Variants in PARD3B observed in about 807,000 individuals in gnomAD.
The protein encoded by PARD3B is par-3 family cell polarity regulator beta, also known as partitioning defective 3 homolog B.
Under a neutral mutation model 130.2 loss-of-function variants are expected in PARD3B, and 103 were observed. That is an observed-to-expected ratio of 0.79 (90% CI 0.67 to 0.93). PARD3B has a LOEUF of 0.93. Ranked by LOEUF, PARD3B falls within the 40% of genes least tolerant of loss-of-function variation. The probability of loss-of-function intolerance (pLI) is 0.00; values close to 1 mark genes in which losing one functional copy is unlikely to be tolerated. For synonymous variants in PARD3B, 583 were observed against 553.2 expected (o/e 1.05, Z -0.76); for missense variants, 1,609 against 1,499.2 (o/e 1.07, Z -1.21).
chr2:205,252,159 A>G (rs1430658759), intron 16 of PARD3B, among the ~76,000 whole-genome samples: 2 of 152,198 alleles, frequency 1.3e-5, no homozygotes, highest in African/African-American at 4.8e-5. Flanking sequence ...TTTACTCCTC[A>G]AATATGGAGC....
intron 20 of PARD3B, among the ~76,000 whole-genome samples, chr2:205,494,084 A>G (rs190578425): frequency 1.3e-5 from 2 of 152,076 alleles, no homozygotes; most frequent in African/African-American, 4.8e-5. Context: ...TCTTAACTGC[A>G]TCATCAAATC....
chr2:204,937,087 T>C (rs1411322790), intron 2 of PARD3B, among the ~76,000 whole-genome samples: 1 of 152,250 alleles, frequency 6.6e-6, no homozygotes, highest in African/African-American at 2.4e-5. Flanking sequence ...GAACAAGAGC[T>C]CTTTGGGGGG....
chr2:205,197,032 G>GGGGGTGT (rs1553636919), intron 15 of PARD3B, among the ~76,000 whole-genome samples: 23 of 55,230 alleles, frequency 4.2e-4, no homozygotes, highest in Admixed American at 7.4e-4. Context: ...GTGGGGGGGG[G>GGGGGTGT]GTGTGTGTGT....
At chr2:205,449,206 T>A (rs1336376784) in intron 20 of PARD3B, among the ~76,000 whole-genome samples, 1 of 148,778 alleles carries the variant, frequency 6.7e-6, no homozygotes. Flanking sequence ...AACTATTTGC[T>A]CTTGATGAAT....
At chr2:204,679,704 G>C (rs1156932346) in intron 1 of PARD3B, among the ~76,000 whole-genome samples, 4 of 150,498 alleles carry the variant, frequency 2.7e-5, no homozygotes, top group Non-Finnish European at 5.9e-5. Flanking sequence ...GGTTTTCTTT[G>C]TTTAGTTATT....
Position 205,301,902 on chromosome 2 carries a change from T to C in PARD3B, c.2630+201T>C, listed in dbSNP as rs746163977. On this transcript the variant is annotated intron_variant, in intron 18 of 22. Transcript: ENST00000406610. The surrounding 1 kb of genome is among the most constrained non-coding windows in gnomAD (Gnocchi z 5.2). Reference sequence around the variant, plus strand: ...AAGTTACAGTGATGACAGGACACTGTCTTAAGTTTGTTGTCAAAGAAAGGT... The same window carrying C: ...AAGTTACAGTGATGACAGGACACTGCCTTAAGTTTGTTGTCAAAGAAAGGT... 31 of 817,314 alleles carry C rather than the reference T, an allele frequency of 3.8e-5. No individual in the cohort carries two copies. Among genetic ancestry groups the C allele is most frequent in the Non-Finnish European group, 6.3e-5 (30 of 476,752 alleles). 50.6% of individuals were successfully genotyped at this position (817,314 alleles called of 1,614,324 possible). A position where few individuals can be genotyped will look rare whatever the true frequency, so the allele number is the denominator to read the frequency against.
chr2:204,656,635 A>ACT (rs2035649596), intron 1 of PARD3B, among the ~76,000 whole-genome samples: 1 of 152,094 alleles, frequency 6.6e-6, no homozygotes, highest in South Asian at 2.1e-4. Flanking sequence ...TTTTCATGGT[A>ACT]CTCTTCATAA....
In PARD3B at chr2:205,062,803, AT is replaced by A. The variant is rs977836216; in HGVS notation, c.504+15117del. Among the ~76,000 whole-genome samples the A allele has an allele frequency of 1.8e-3, 272 of 152,262 alleles. 1 individual carries two copies. Among genetic ancestry groups the A allele is most frequent in the African/African-American group, 6.1e-3 (254 of 41,568 alleles). ...TCAGTTTTTAAAAATAAACAAATGT[AT>A]TTTAATTTATTCAGCATGAAATTTA... On this transcript the variant is annotated intron_variant, in intron 4 of 22. Transcript: ENST00000406610.
chr2:205,465,332 G>A (rs2048583672), intron 20 of PARD3B, among the ~76,000 whole-genome samples: 1 of 152,094 alleles, frequency 6.6e-6, no homozygotes, highest in African/African-American at 2.4e-5. Context: ...AGGTACAAAC[G>A]AGGATATTGA....
chr2:204,546,135 A>G lies in PARD3B; in HGVS notation c.120+16A>G, dbSNP rs527567253. ...CCGGGAGAAGGTGAGCGCGGCGCGG[A>G]GGAGTGGGGCGCGGCTGCAGCCAAG... On this transcript the variant is annotated intron_variant, in intron 1 of 22. Transcript: ENST00000406610. 310 of 1,551,472 alleles carry G rather than the reference A, an allele frequency of 2.0e-4. 2 individuals are homozygous for G. The highest frequency in any genetic ancestry group is 3.0e-4 in the South Asian group (25 of 84,182).
At chr2:205,293,117 T>A (rs1419300405) in intron 16 of PARD3B, among the ~76,000 whole-genome samples, 1 of 152,036 alleles carries the variant, frequency 6.6e-6, no homozygotes, top group Non-Finnish European at 1.5e-5. Context: ...ATACAAAAAA[T>A]TATAAAAATA....
At chr2:205,614,573 G>A (rs994847130) in intron 22 of PARD3B, among the ~76,000 whole-genome samples, 3 of 152,018 alleles carry the variant, frequency 2.0e-5, no homozygotes, top group Non-Finnish European at 4.4e-5. Context: ...AGGTGTAGTG[G>A]TGGGCACCTG....
intron 19 of PARD3B, among the ~76,000 whole-genome samples, chr2:205,434,095 T>G (rs939955791): frequency 3.9e-5 from 6 of 152,198 alleles, no homozygotes; most frequent in African/African-American, 1.4e-4. Flanking sequence ...CCAAAAGGGA[T>G]TATGCCATTT....
intron 1 of PARD3B, among the ~76,000 whole-genome samples, chr2:204,630,934 A>G (rs1475958685): frequency 6.6e-6 from 1 of 151,786 alleles, no homozygotes; most frequent in Admixed American, 6.6e-5. Flanking sequence ...ATTTTTTTGA[A>G]GGGTTTTTTA....
chr2:205,201,844 T>A (rs533376824), intron 15 of PARD3B, among the ~76,000 whole-genome samples: 15 of 152,212 alleles, frequency 9.9e-5, no homozygotes, highest in African/African-American at 3.4e-4. Flanking sequence ...TCTCAAAAAA[T>A]AAATAAATAA....
rs1688340944 is a variant in PARD3B, at chr2:204,935,303, G to A, written c.223-29849G>A. 2.0e-5 allele frequency among the ~76,000 whole-genome samples: 3 copies of A among 151,058 alleles called. No individual in the cohort carries two copies. In the South Asian group the frequency reaches 6.2e-4, roughly 31 times the overall value. On this transcript the variant is annotated intron_variant, in intron 2 of 22. Coordinates refer to ENST00000406610, the MANE Select transcript of PARD3B (RefSeq NM_001302769.2). ...CCAGCACTTTGGGAGGCCAAGGCGG[G>A]CGGATCACAAGGTCAGGAGATCAAG...
Position 205,446,067 on chromosome 2 carries a change from T to C in PARD3B, c.3044+5395T>C, listed in dbSNP as rs570417153. 2.3e-4 allele frequency among the ~76,000 whole-genome samples: 35 copies of C among 152,230 alleles called. No homozygotes were observed. In the East Asian group the frequency reaches 5.6e-3, roughly 24 times the overall value. On this transcript the variant is annotated intron_variant, in intron 20 of 22. Coordinates refer to ENST00000406610, the MANE Select transcript of PARD3B (RefSeq NM_001302769.2). This position sits in a 1 kb window ranked among gnomAD's most constrained non-coding sequence, Gnocchi z 4.4. ...CAGCCGAAGAGTAAGTGCAGGGTAC[T>C]GTTTGGGGCCAGGCAGCAAGGGTGA...
intron 1 of PARD3B, among the ~76,000 whole-genome samples, chr2:204,649,434 T>G (rs2035402990): frequency 6.6e-6 from 1 of 152,006 alleles, no homozygotes; most frequent in South Asian, 2.1e-4. Flanking sequence ...ATGCATGAGT[T>G]CTAAACCACC....
chr2:205,276,422 G>A lies in PARD3B; in HGVS notation c.2186-24108G>A, dbSNP rs2040950848. Reference sequence around the variant, plus strand: ...TTTCTTTTCTTATTTATCCTTAACAGAAGAAACAACAAGTAAATCTGGTGA... The same window carrying A: ...TTTCTTTTCTTATTTATCCTTAACAAAAGAAACAACAAGTAAATCTGGTGA... On this transcript the variant is annotated intron_variant, in intron 16 of 22. Coordinates refer to ENST00000406610, the MANE Select transcript of PARD3B (RefSeq NM_001302769.2). The surrounding 1 kb of genome is among the most constrained non-coding windows in gnomAD (Gnocchi z 5.0). Among the ~76,000 whole-genome samples, 1 of 152,136 alleles carries A rather than the reference G, an allele frequency of 6.6e-6. No individual in the cohort carries two copies. The highest frequency in any genetic ancestry group is 6.6e-5 in the Admixed American group (1 of 15,262).
Sources: gnomAD v4.1 joint callset for allele counts (sites outside exome capture counted in the v4.1 genomes callset) on GRCh38, gnomAD v4.1.1 for gene constraint, Gnocchi (gnomAD v3.1) non-coding constraint, MANE v1.5 for transcripts, NCBI Gene and HGNC (gene_info 2026-07-23, HGNC 2026-07-21) for gene names.